The following SH3GL2 variants were observed in gnomAD, a reference collection of about 807,000 sequenced individuals.
SH3GL2 encodes the protein endophilin-A1.
Under a neutral mutation model 46.0 loss-of-function variants are expected in SH3GL2, and 24 were observed. That is an observed-to-expected ratio of 0.52 (90% CI 0.38 to 0.73). The LOEUF is 0.73. SH3GL2 is among the 30% of genes least tolerant of loss of function. SH3GL2 has a pLI of 0.00. For synonymous variants in SH3GL2, 196 were observed against 147.1 expected (o/e 1.33, Z -2.40); for missense variants, 413 against 424.2 (o/e 0.97, Z 0.23).
At chr9:17,717,029 C>A (rs1821778746) in intron 1 of SH3GL2, among the ~76,000 whole-genome samples, 2 of 152,080 alleles carry the variant, frequency 1.3e-5, no homozygotes, top group African/African-American at 4.8e-5. Context: ...TGATGGCCTG[C>A]TTTTTATTTC....
chr9:17,738,569 T>C (rs865779293), intron 1 of SH3GL2, among the ~76,000 whole-genome samples: 1 of 88,070 alleles, frequency 1.1e-5, no homozygotes, highest in East Asian at 5.1e-4. Flanking sequence ...TACATACATA[T>C]ATATATAGAG....
intron 1 of SH3GL2, among the ~76,000 whole-genome samples, chr9:17,729,703 T>C (rs527368673): frequency 6.6e-6 from 1 of 152,338 alleles, no homozygotes; most frequent in African/African-American, 2.4e-5. Context: ...CCCAACACCA[T>C]TGACTAAATA....
At chr9:17,767,530 C>G (rs147123414) in intron 3 of SH3GL2, among the ~76,000 whole-genome samples, 2 of 152,348 alleles carry the variant, frequency 1.3e-5, no homozygotes, top group African/African-American at 4.8e-5. Context: ...TCTCACAACA[C>G]ACTGAATTTA....
chr9:17,593,549 C>G (rs1233036995), intron 1 of SH3GL2, among the ~76,000 whole-genome samples: 2 of 152,146 alleles, frequency 1.3e-5, no homozygotes, highest in African/African-American at 4.8e-5. Flanking sequence ...TACATCCTTA[C>G]AAGGACACAA....
At chr9:17,756,140 A>G (rs1451000863) in intron 2 of SH3GL2, among the ~76,000 whole-genome samples, 1 of 152,174 alleles carries the variant, frequency 6.6e-6, no homozygotes, top group Non-Finnish European at 1.5e-5. Context: ...GTTTTCCAAC[A>G]AAACTTTATC....
At chr9:17,695,000 A>G (rs1416053195) in intron 1 of SH3GL2, among the ~76,000 whole-genome samples, 1 of 152,204 alleles carries the variant, frequency 6.6e-6, no homozygotes, top group Non-Finnish European at 1.5e-5. Flanking sequence ...TTCACTAGAC[A>G]TGAATAAATC....
chr9:17,786,776 C>T (rs988055820), intron 4 of SH3GL2, among the ~76,000 whole-genome samples: 1 of 152,084 alleles, frequency 6.6e-6, no homozygotes, highest in African/African-American at 2.4e-5. Flanking sequence ...TTGACATATC[C>T]AGATGCCTCC....
chr9:17,671,020 G>A (rs569056178), intron 1 of SH3GL2, among the ~76,000 whole-genome samples: 22 of 152,330 alleles, frequency 1.4e-4, no homozygotes, highest in African/African-American at 5.3e-4. Context: ...TATATTAGTA[G>A]AATGGCTTAT....
At chr9:17,640,514 G>T (rs538624744) in intron 1 of SH3GL2, among the ~76,000 whole-genome samples, 57 of 152,144 alleles carry the variant, frequency 3.7e-4, no homozygotes, top group Non-Finnish European at 6.9e-4. Flanking sequence ...AACCAACAAC[G>T]TTGGTATGAT....
intron 3 of SH3GL2, among the ~76,000 whole-genome samples, chr9:17,762,505 C>T (rs1449191796): frequency 6.6e-6 from 1 of 152,048 alleles, no homozygotes; most frequent in Non-Finnish European, 1.5e-5. Context: ...CTGCAGCTTC[C>T]TTCCATCCTT....
At chr9:17,648,637 G>A (rs752458732) in intron 1 of SH3GL2, among the ~76,000 whole-genome samples, 1 of 152,108 alleles carries the variant, frequency 6.6e-6, no homozygotes, top group Non-Finnish European at 1.5e-5. Flanking sequence ...ATGTACTGAG[G>A]TAGTGACTTG....
intron 1 of SH3GL2, among the ~76,000 whole-genome samples, chr9:17,671,301 A>AT (rs1432112605): frequency 7.3e-6 from 1 of 136,620 alleles, no homozygotes; most frequent in East Asian, 2.7e-4. Flanking sequence ...CACAATGAGG[A>AT]ATTTTTTTTT....
intron 1 of SH3GL2, among the ~76,000 whole-genome samples, chr9:17,653,079 A>G (rs750877259): frequency 1.3e-4 from 20 of 152,146 alleles, no homozygotes; most frequent in Admixed American, 2.6e-4. Context: ...TGGTTGAATC[A>G]TGGTTTTCTC....
At chr9:17,640,407 T>C (rs1819649733) in intron 1 of SH3GL2, among the ~76,000 whole-genome samples, 1 of 152,218 alleles carries the variant, frequency 6.6e-6, no homozygotes, top group Admixed American at 6.5e-5. Context: ...TTATTTATTT[T>C]TCCAAGGGCA....
At chr9:17,619,768 A>G (rs951180639) in intron 1 of SH3GL2, among the ~76,000 whole-genome samples, 7 of 152,202 alleles carry the variant, frequency 4.6e-5, no homozygotes, top group Admixed American at 3.9e-4. Context: ...CCATTTTTTC[A>G]CAATAGAAAA....
chr9:17,658,814 G>C (rs534189922), intron 1 of SH3GL2, among the ~76,000 whole-genome samples: 1 of 152,174 alleles, frequency 6.6e-6, no homozygotes, highest in Admixed American at 6.5e-5. Context: ...CCCCCAAGAT[G>C]CCCCTGGAAA....
chr9:17,768,477 A>C (rs1823382570), intron 3 of SH3GL2, among the ~76,000 whole-genome samples: 1 of 152,010 alleles, frequency 6.6e-6, no homozygotes, highest in African/African-American at 2.4e-5. Flanking sequence ...ATGGCACCTC[A>C]CGTGAATAGT....
At chr9:17,627,224 C>A (rs1002322605) in intron 1 of SH3GL2, among the ~76,000 whole-genome samples, 1 of 152,170 alleles carries the variant, frequency 6.6e-6, no homozygotes. Flanking sequence ...ACCATCCTGT[C>A]CTGTTCCCTG....
chr9:17,784,712 G>C (rs952584453), intron 3 of SH3GL2, among the ~76,000 whole-genome samples: 8 of 152,064 alleles, frequency 5.3e-5, no homozygotes, highest in African/African-American at 1.9e-4. Context: ...AAATGATTCT[G>C]TGGCATTTTC....
Sources: gnomAD v4.1 joint callset for allele counts (sites outside exome capture counted in the v4.1 genomes callset) on GRCh38, gnomAD v4.1.1 for gene constraint, MANE v1.5 for transcripts, NCBI Gene and HGNC (gene_info 2026-07-23, HGNC 2026-07-21) for gene names.